Variants in DMD observed in about 807,000 individuals in gnomAD.
The protein encoded by DMD is dystrophin.
A neutral mutation model predicts 330.1 loss-of-function variants in DMD; 63 were observed. The observed-to-expected ratio is 0.19, with a 90% CI of 0.16 to 0.24. The LOEUF (loss-of-function observed/expected upper bound fraction) is 0.24, where lower values mean the gene tolerates loss of function less well. Among genes scored for constraint, DMD ranks in the 10% least tolerant of loss-of-function variants. DMD has a pLI of 1.00. For missense variants in DMD, 3,344 were observed against 2,684.1 expected (o/e 1.25, Z -5.43); for synonymous variants, 1,223 against 959.8 (o/e 1.27, Z -5.07).
chrX:32,476,168 G>T (rs1289421950), intron 21 of DMD, among the ~76,000 whole-genome samples: 2 of 110,844 alleles, frequency 1.8e-5, no homozygotes, highest in Non-Finnish European at 3.8e-5. Context: ...ACTTGAACAT[G>T]TCTCCTCTTT....
chrX:32,563,256 C>T (rs762352713), intron 16 of DMD, among the ~76,000 whole-genome samples: 3 of 99,771 alleles, frequency 3.0e-5, no homozygotes, highest in African/African-American at 3.8e-5. Context: ...GGCAGGAGAA[C>T]GGTGTGAACC....
At chrX:32,380,796 G>C (rs1001982139) in intron 33 of DMD, 116 bp from the exon 34 acceptor site, 4 of 578,041 alleles carry the variant, frequency 6.9e-6, no homozygotes, top group Non-Finnish European at 1.1e-5. Flanking sequence ...TTTCTTACAC[G>C]TTTTAAAATA....
At chrX:33,196,383 A>G (rs1217237064) in intron 1 of DMD, among the ~76,000 whole-genome samples, 1 of 111,498 alleles carries the variant, frequency 9.0e-6, no homozygotes, top group Non-Finnish European at 1.9e-5. Context: ...TTTACCCTGA[A>G]GCTAGAAGAT....
chrX:32,013,081 T>C (rs1293901), intron 44 of DMD, among the ~76,000 whole-genome samples: 3,129 of 67,434 alleles, frequency 0.046, 58 homozygotes, highest in Non-Finnish European at 0.068. Flanking sequence ...AATTAATCTT[T>C]TCTTTTCTTT....
intron 15 of DMD, 119 bp from the exon 16 acceptor site, chrX:32,566,000 G>T: frequency 1.6e-6 from 1 of 620,709 alleles, no homozygotes; most frequent in Non-Finnish European, 2.5e-6. Context: ...TTTCAATCGT[G>T]CCCGCAAAGG....
At chrX:31,203,707 C>CT in intron 67 of DMD, among the ~76,000 whole-genome samples, 1 of 111,608 alleles carries the variant, frequency 9.0e-6, no homozygotes. Context: ...TGCTGAACTT[C>CT]TTCCCCTCTA....
chrX:32,548,546 T>C (rs886251662), intron 16 of DMD, among the ~76,000 whole-genome samples: 1 of 111,741 alleles, frequency 8.9e-6, no homozygotes, highest in Non-Finnish European at 1.9e-5. Flanking sequence ...ATATTTCAAA[T>C]ATTTTAATGT....
intron 62 of DMD, among the ~76,000 whole-genome samples, chrX:31,284,559 T>TCTTCTTCTTCTTCTTCTTCTTCTTCTC (rs2052913014): frequency 2.2e-5 from 1 of 44,663 alleles, no homozygotes; most frequent in Non-Finnish European, 4.1e-5. Flanking sequence ...ACGAACTGTT[T>TCTTCTTCTTCTTCTTCTTCTTCTTCTC]CTTCTTCTTC....
At chrX:31,375,563 T>C (rs749300611) in intron 60 of DMD, among the ~76,000 whole-genome samples, 1 of 111,571 alleles carries the variant, frequency 9.0e-6, no homozygotes, top group East Asian at 2.8e-4. Flanking sequence ...TGACAGCTAA[T>C]AGGTGATACT....
chrX:32,807,458 A>G (rs769165136), intron 7 of DMD, among the ~76,000 whole-genome samples: 1 of 111,647 alleles, frequency 9.0e-6, no homozygotes, highest in Non-Finnish European at 1.9e-5. Context: ...CTGGATCTTC[A>G]TTAATCAGCC....
intron 9 of DMD, among the ~76,000 whole-genome samples, chrX:32,696,608 G>A (rs1191587990): frequency 1.8e-5 from 2 of 111,605 alleles, no homozygotes; most frequent in Non-Finnish European, 3.8e-5. Flanking sequence ...AATGAAGGTG[G>A]TGATGAGGTG....
At position 33,002,135 on chromosome X, in the gene DMD, G is replaced by C. The variant is rs1200848696; in HGVS notation, c.93+18004C>G. Among the ~76,000 whole-genome samples, 3 of 110,696 alleles carry C rather than the reference G, an allele frequency of 2.7e-5. No individual in the cohort carries two copies. In the East Asian group the frequency reaches 8.6e-4, roughly 32 times the overall value. On this transcript the variant is annotated intron_variant, in intron 2 of 78. Transcript: ENST00000357033. ...ATGGCATAGTTGATCCCAGCACCTA[G>C]ATATATACATCTCTAATCAAGTGCC...
chrX:32,825,428 G>C lies in DMD; in HGVS notation c.265-2041C>G, dbSNP rs183884159. 2.7e-4 allele frequency among the ~76,000 whole-genome samples: 30 copies of C among 111,579 alleles called. No individual in the cohort carries two copies. The East Asian group carries it at 7.9e-3, about 29-fold the overall frequency. On this transcript the variant is annotated intron_variant, in intron 4 of 78. Coordinates refer to ENST00000357033, the MANE Select transcript of DMD (RefSeq NM_004006.3). ...CTGGGCTCAGACCTGATAAAGGAAA[G>C]TAAGGTACTACCCCCCCAGTGTCAA... is the stretch of plus-strand genomic sequence containing the variant.
At chrX:33,233,107 T>A (rs2052417533) in intron 1 of DMD, among the ~76,000 whole-genome samples, 1 of 111,806 alleles carries the variant, frequency 8.9e-6, no homozygotes, top group African/African-American at 3.3e-5. Context: ...AAAAAAAATA[T>A]GAGGTAACAG....
intron 41 of DMD, among the ~76,000 whole-genome samples, chrX:32,331,778 G>A (rs1412011482): frequency 1.8e-5 from 2 of 111,548 alleles, no homozygotes; most frequent in Non-Finnish European, 3.8e-5. Flanking sequence ...GCTACTTGAA[G>A]CCAGTCATTT....
At chrX:32,431,795 G>A (rs947275961) in intron 29 of DMD, among the ~76,000 whole-genome samples, 4 of 109,831 alleles carry the variant, frequency 3.6e-5, no homozygotes, top group Non-Finnish European at 5.7e-5. Flanking sequence ...TCTAATATCC[G>A]GAATTCTAGA....
chrX:32,210,187 T>G (rs1202112545), intron 44 of DMD, among the ~76,000 whole-genome samples: 1 of 112,210 alleles, frequency 8.9e-6, no homozygotes, highest in South Asian at 3.7e-4. Flanking sequence ...ACTTACACAT[T>G]GCTGTAACCT....
At chrX:32,356,484 T>A (rs953837153) in intron 37 of DMD, among the ~76,000 whole-genome samples, 75 of 109,958 alleles carry the variant, frequency 6.8e-4, no homozygotes, top group African/African-American at 2.2e-3. Flanking sequence ...AAATCTCATA[T>A]TACAGTTGTA....
At position 31,147,581 on chromosome X, in the gene DMD, G is replaced by T. The variant is rs375910384; in HGVS notation, c.10554-63C>A. On this transcript the variant is annotated intron_variant, in intron 74 of 78. Transcript: ENST00000357033. ...AAGAAAAAGAAAAAGAAGAAAAAAA[G>T]TAATTTGAATATCATCACCAAATTT... 7.6e-6 allele frequency: 7 copies of T among 921,111 alleles called. No individual in the cohort carries two copies. In the African/African-American group the frequency reaches 1.0e-4, roughly 13 times the overall value. The allele number at this position is 921,111 out of a possible 1,213,427, so 75.9% of individuals were successfully genotyped here.
Sources: gnomAD v4.1 joint callset for allele counts (sites outside exome capture counted in the v4.1 genomes callset) on GRCh38, gnomAD v4.1.1 for gene constraint, MANE v1.5 for transcripts, NCBI Gene and HGNC (gene_info 2026-07-23, HGNC 2026-07-21) for gene names.